The following MALRD1 variants were observed in gnomAD, a reference collection of about 807,000 sequenced individuals.
The protein encoded by MALRD1 is MAM and LDL-receptor class A domain-containing protein 1.
MALRD1 carries 247 observed loss-of-function variants against 242.1 expected under a neutral mutation model. That is an observed-to-expected ratio of 1.02 (90% confidence interval 0.92 to 1.13). The LOEUF is 1.13. Among genes scored for constraint, MALRD1 ranks in the 50% most tolerant of loss-of-function variants. The pLI is 0.00. For synonymous variants in MALRD1, 995 were observed against 866.6 expected (o/e 1.15, Z -2.60); for missense variants, 2,989 against 2,533.1 (o/e 1.18, Z -3.86).
chr10:19,503,734 G>A lies in MALRD1; in HGVS notation c.5320+5088G>A, dbSNP rs1277829327. Among the ~76,000 whole-genome samples the A allele has an allele frequency of 5.9e-5, 9 of 152,004 alleles. No individual in the cohort carries two copies. In the South Asian group the frequency reaches 8.3e-4, roughly 14 times the overall value. Reference sequence around the variant, plus strand: ...CTGTCACATCTTTTGCTATTGTTACGTCTCCTCTAGCATTTAAATAAGTTT... The same window carrying A: ...CTGTCACATCTTTTGCTATTGTTACATCTCCTCTAGCATTTAAATAAGTTT... On this transcript the variant is annotated intron_variant, in intron 31 of 39. Coordinates refer to ENST00000454679, the MANE Select transcript of MALRD1 (RefSeq NM_001142308.3).
intron 7 of MALRD1, among the ~76,000 whole-genome samples, chr10:19,126,708 T>A (rs569192079): frequency 6.6e-6 from 1 of 152,156 alleles, no homozygotes; most frequent in South Asian, 2.1e-4. Context: ...ATTATTATTT[T>A]TTATTTTTTT....
chr10:19,381,952 G>A (rs985568251), intron 26 of MALRD1, among the ~76,000 whole-genome samples: 2 of 151,996 alleles, frequency 1.3e-5, no homozygotes, highest in Non-Finnish European at 2.9e-5. Context: ...CAGATTCTGT[G>A]GTATGTATTA....
At chr10:19,298,140 C>A (rs146308434) in intron 21 of MALRD1, among the ~76,000 whole-genome samples, 1 of 151,872 alleles carries the variant, frequency 6.6e-6, no homozygotes, top group Admixed American at 6.6e-5. Context: ...ATTTGTGCTA[C>A]ATCAAAACAT....
intron 38 of MALRD1, among the ~76,000 whole-genome samples, chr10:19,696,445 A>G (rs1224926135): frequency 6.6e-6 from 1 of 152,166 alleles, no homozygotes; most frequent in Non-Finnish European, 1.5e-5. Flanking sequence ...AGGATAATTC[A>G]CTGTTTTCCT....
chr10:19,237,275 C>T (rs1409724557), intron 18 of MALRD1, among the ~76,000 whole-genome samples: 1 of 151,200 alleles, frequency 6.6e-6, no homozygotes, highest in Non-Finnish European at 1.5e-5. Context: ...TAACCAGTCT[C>T]CCTCCATTTT....
In MALRD1 at chr10:19,131,098, C is replaced by T. The variant is rs187217461; in HGVS notation, c.1110+2711C>T. Among the ~76,000 whole-genome samples, 16 of 152,134 alleles carry T rather than the reference C, an allele frequency of 1.1e-4. No homozygotes were observed. In the East Asian group the frequency reaches 1.2e-3, roughly 11 times the overall value. On this transcript the variant is annotated intron_variant, in intron 8 of 39. Transcript: ENST00000454679. ...TGCTATCCTCTATACATATGTTGCTCGCTGATGCAAAATCTGCATCAAAGT... is the reference window on the plus strand; with the variant it reads ...TGCTATCCTCTATACATATGTTGCTTGCTGATGCAAAATCTGCATCAAAGT...
chr10:19,470,820 A>T (rs1417448469), intron 29 of MALRD1, among the ~76,000 whole-genome samples: 1 of 151,078 alleles, frequency 6.6e-6, no homozygotes, highest in African/African-American at 2.4e-5. Context: ...TATATTTTGG[A>T]TATTAGTCCC....
chr10:19,369,912 A>G (rs1845298962), intron 26 of MALRD1, among the ~76,000 whole-genome samples: 1 of 151,918 alleles, frequency 6.6e-6, no homozygotes. Flanking sequence ...TTTAGTTTTG[A>G]TGACATACAA....
intron 25 of MALRD1, among the ~76,000 whole-genome samples, chr10:19,349,259 C>T (rs1282624853): frequency 1.3e-5 from 2 of 152,228 alleles, no homozygotes; most frequent in Non-Finnish European, 1.5e-5. Flanking sequence ...CTGCGCCCAG[C>T]CCAACTTACA....
At chr10:19,689,246 G>A (rs977212915) in intron 36 of MALRD1, among the ~76,000 whole-genome samples, 1 of 152,152 alleles carries the variant, frequency 6.6e-6, no homozygotes, top group African/African-American at 2.4e-5. Flanking sequence ...GTGTGTGTGT[G>A]TGTATCTGTA....
intron 26 of MALRD1, among the ~76,000 whole-genome samples, chr10:19,373,899 A>G (rs1444515145): frequency 3.3e-5 from 5 of 152,218 alleles, no homozygotes. Context: ...ACATTTATCA[A>G]TTCAAAACAA....
At chr10:19,543,368 A>G (rs898702034) in intron 32 of MALRD1, among the ~76,000 whole-genome samples, 8 of 150,436 alleles carry the variant, frequency 5.3e-5, no homozygotes, top group East Asian at 2.0e-4. Context: ...GGCTCAAGCA[A>G]TTCTCTGGCC....
intron 34 of MALRD1, among the ~76,000 whole-genome samples, chr10:19,604,494 G>A (rs530156599): frequency 1.3e-5 from 2 of 152,254 alleles, no homozygotes; most frequent in African/African-American, 4.8e-5. Flanking sequence ...AGATAGCAGA[G>A]GTTGGTTTAT....
chr10:19,140,836 T>A (rs1266691027), intron 10 of MALRD1, among the ~76,000 whole-genome samples: 1 of 152,144 alleles, frequency 6.6e-6, no homozygotes, highest in East Asian at 1.9e-4. Flanking sequence ...AATTTTCACT[T>A]ACAAGATGAA....
chr10:19,163,974 C>T, intron 12 of MALRD1, among the ~76,000 whole-genome samples: 1 of 152,152 alleles, frequency 6.6e-6, no homozygotes. Context: ...TCTTGTACAA[C>T]TAGGTTTAAA....
At chr10:19,307,016 C>T (rs1300159200) in intron 21 of MALRD1, among the ~76,000 whole-genome samples, 1 of 151,330 alleles carries the variant, frequency 6.6e-6, no homozygotes, top group African/African-American at 2.4e-5. Flanking sequence ...AGAAGGAGAA[C>T]CATCAAATCA....
At chr10:19,376,377 T>C (rs1467291219) in intron 26 of MALRD1, among the ~76,000 whole-genome samples, 1 of 151,980 alleles carries the variant, frequency 6.6e-6, no homozygotes, top group African/African-American at 2.4e-5. Context: ...CAATTACATG[T>C]GTAGGGGCAA....
intron 39 of MALRD1, among the ~76,000 whole-genome samples, chr10:19,731,257 ATCT>A (rs1364196422): frequency 6.6e-6 from 1 of 152,222 alleles, no homozygotes; most frequent in Non-Finnish European, 1.5e-5. Context: ...AATGTATTAC[ATCT>A]TCCTTGGCCC....
At chr10:19,666,448 C>G (rs1397906167) in intron 36 of MALRD1, among the ~76,000 whole-genome samples, 2 of 152,176 alleles carry the variant, frequency 1.3e-5, no homozygotes, top group African/African-American at 4.8e-5. Flanking sequence ...AGTACTTTCA[C>G]TGCAGTATTC....
Sources: gnomAD v4.1 joint callset for allele counts (sites outside exome capture counted in the v4.1 genomes callset) on GRCh38, gnomAD v4.1.1 for gene constraint, MANE v1.5 for transcripts, NCBI Gene and HGNC (gene_info 2026-07-23, HGNC 2026-07-21) for gene names.